Variants in SAR1A observed in about 807,000 individuals in gnomAD.
SAR1A encodes the protein secretion associated Ras related GTPase 1A.
Under a neutral mutation model 22.6 loss-of-function variants are expected in SAR1A, and 6 were observed. That is an observed-to-expected ratio of 0.27 (90% CI 0.15 to 0.52). The LOEUF (loss-of-function observed/expected upper bound fraction) is 0.52, where lower values mean the gene tolerates loss of function less well. Among genes scored for constraint, SAR1A ranks in the 20% least tolerant of loss-of-function variants. SAR1A has a pLI of 0.96. For missense variants in SAR1A, 145 were observed against 245.1 expected (o/e 0.59, Z 2.73); for synonymous variants, 70 against 82.2 (o/e 0.85, Z 0.80).
At chr10:70,152,654 A>AT in intron 6 of SAR1A, 62 bp from the exon 7 acceptor site, 4 of 1,088,798 alleles carry the variant, frequency 3.7e-6, no homozygotes, top group South Asian at 1.2e-5. Flanking sequence ...GATTGAAAGG[A>AT]CGATCATTAC....
intron 1 of SAR1A, chr10:70,164,040 G>A (rs1564571473): frequency 2.5e-6 from 2 of 813,654 alleles, no homozygotes; most frequent in Admixed American, 1.7e-5. Context: ...GTTAACAGAT[G>A]AAGAAGTTGA....
chr10:70,162,294 G>A (rs565691098), intron 1 of SAR1A, among the ~76,000 whole-genome samples: 43 of 150,302 alleles, frequency 2.9e-4, no homozygotes, highest in African/African-American at 8.1e-4. Flanking sequence ...GAGGCATGAC[G>A]GTGCCACTGC....
At position 70,149,547 on chromosome 10, in the gene SAR1A, A is replaced by ATTTTTTTGTTTTTTTT. The variant is rs1839302463; in HGVS notation, c.*2928_*2929insAAAAAAAACAAAAAAA. On this transcript the variant is annotated 3_prime_UTR_variant, in exon 7 of 7. Transcript: ENST00000373241. The stretch of plus-strand genomic sequence containing the variant: ...TTTTGCCAAATGTAGCATTTAATTG[A>ATTTTTTTGTTTTTTTT]TTTTTTTTTTTTTTTTTTTTTTGAG... The ATTTTTTTGTTTTTTTT allele has an allele frequency of 1.5e-5, 1 of 68,036 alleles. No homozygotes were observed. The highest frequency in any genetic ancestry group is 2.5e-5 in the Non-Finnish European group (1 of 40,706). The allele number at this position is 68,036 out of a possible 1,614,324, so 4.2% of individuals were successfully genotyped here.
At chr10:70,155,213 T>C (rs1267285049) in intron 5 of SAR1A, 2 of 453,902 alleles carry the variant, frequency 4.4e-6, no homozygotes, top group East Asian at 6.9e-5. Context: ...GTGGTGTTCA[T>C]GTAAGAGATC....
chr10:70,152,535 C>T lies in SAR1A; in HGVS notation c.538G>A (p.Val180Met). ...TCGCCGTAACCTTGCCTCTTGAGCACACTGCACATGAACACTTCCATGGGG... is the reference window on the plus strand; with the variant it reads ...TCGCCGTAACCTTGCCTCTTGAGCATACTGCACATGAACACTTCCATGGGG... ...ARPMEVFMCSVLKRQGYGEGF... is the reference protein window; with the variant it reads ...ARPMEVFMCSMLKRQGYGEGF... Residue 180 changes from valine to methionine, a missense_variant, in exon 7 of 7, where the codon GTG becomes ATG. This residue lies in a region of SAR1A where 83 missense variants were observed against 114.7 expected (regional missense o/e 0.72). Transcript: ENST00000373241. 6.2e-7 allele frequency: 1 copy of T among 1,614,210 alleles called. No homozygotes were observed. The highest frequency in any genetic ancestry group is 8.5e-7 in the Non-Finnish European group (1 of 1,180,036).
Position 70,161,625 on chromosome 10 carries a change from G to A in SAR1A, c.172C>T (p.His58Tyr). Residue 58 changes from histidine (H) to tyrosine (Y), a missense_variant, in exon 3 of 7, where the codon CAT (histidine) becomes TAT (tyrosine). By Grantham distance (83) the His-to-Tyr change is moderately conservative. Around this residue, in one of 3 missense-constraint regions of SAR1A, gnomAD observed 40 missense variants for 105.7 expected, o/e 0.38. Transcript: ENST00000373241. ...CTGATATTTTCAAACCTACTCGGAT[G>A]TAGTGTTGGAACATGTTGGCCCAAT... ...DRLGQHVPTL[H>Y]PTSEELTIAG... 6.2e-7 allele frequency: 1 copy of A among 1,612,274 alleles called. No homozygotes were observed. Among genetic ancestry groups the A allele is most frequent in the Non-Finnish European group, 8.5e-7 (1 of 1,180,000 alleles).
intron 1 of SAR1A, among the ~76,000 whole-genome samples, chr10:70,169,357 T>C (rs1170110761): frequency 6.6e-6 from 1 of 152,248 alleles, no homozygotes; most frequent in African/African-American, 2.4e-5. Flanking sequence ...ATCACATCTT[T>C]TGAATGGTAT....
At chr10:70,160,776 T>C (rs1839458869) in intron 4 of SAR1A, among the ~76,000 whole-genome samples, 1 of 152,176 alleles carries the variant, frequency 6.6e-6, no homozygotes, top group African/African-American at 2.4e-5. Flanking sequence ...CCCAGCTCAA[T>C]AGGGTAATAT....
chr10:70,156,131 G>A (rs1009328702), intron 5 of SAR1A, among the ~76,000 whole-genome samples: 1 of 152,166 alleles, frequency 6.6e-6, no homozygotes, highest in Admixed American at 6.5e-5. Context: ...GTTGTCGAGA[G>A]TAGGCAGGAT....
intron 1 of SAR1A, among the ~76,000 whole-genome samples, chr10:70,168,629 G>A (rs191951901): frequency 6.6e-6 from 1 of 152,054 alleles, no homozygotes; most frequent in African/African-American, 2.4e-5. Flanking sequence ...CTAAAGTGAT[G>A]TAAACATTTT....
chr10:70,158,757 C>CAAACAAAAAAA lies in SAR1A; in HGVS notation c.245-891_245-890insTTTTTTTGTTT, dbSNP rs1554827243. Among the ~76,000 whole-genome samples the CAAACAAAAAAA allele has an allele frequency of 1.9e-3, 244 of 125,786 alleles. 3 individuals carry two copies. The highest frequency in any genetic ancestry group is 6.6e-3 in the African/African-American group (224 of 34,104). The allele number at this position is 125,786 out of a possible 152,430, so 82.5% of individuals were successfully genotyped here. A position where few individuals can be genotyped will look rare whatever the true frequency, so the allele number is the denominator to read the frequency against. ...TATAAGTTAAAATTTTTAAGTTATA[C>CAAACAAAAAAA]AAAAAAAAAAAAAGGAAACCTCCAG... On this transcript the variant is annotated intron_variant, in intron 4 of 6. Transcript: ENST00000373241.
At chr10:70,169,695 A>C (rs945561837) in intron 1 of SAR1A, among the ~76,000 whole-genome samples, 1 of 152,206 alleles carries the variant, frequency 6.6e-6, no homozygotes, top group East Asian at 1.9e-4. Flanking sequence ...GCTGCGGGGT[A>C]AATGTCAAAG....
rs902633505 is a variant in SAR1A at position 70,150,316 on chromosome 10, A to C, written c.*2160T>G. 2.0e-5 allele frequency: 3 copies of C among 152,272 alleles called. No individual in the cohort carries two copies. Among genetic ancestry groups the C allele is most frequent in the African/African-American group, 7.2e-5 (3 of 41,478 alleles). 9.4% of individuals were successfully genotyped at this position (152,272 alleles called of 1,614,324 possible). A position where few individuals can be genotyped will look rare whatever the true frequency, so the allele number is the denominator to read the frequency against. On this transcript the variant is annotated 3_prime_UTR_variant, in exon 7 of 7. Transcript: ENST00000373241. ...ATATGCACTCTGATAAAACAGAATG[A>C]GAAGTCATAATTCATGGGAATTCCT...
intron 4 of SAR1A, among the ~76,000 whole-genome samples, chr10:70,159,716 T>C (rs1008591590): frequency 6.6e-6 from 1 of 152,238 alleles, no homozygotes; most frequent in African/African-American, 2.4e-5. Context: ...AACAAGTAAG[T>C]AAATCTGACA....
intron 2 of SAR1A, 41 bp downstream of exon 2, chr10:70,161,817 G>C: frequency 1.9e-6 from 3 of 1,612,490 alleles, no homozygotes; most frequent in Non-Finnish European, 2.5e-6. Flanking sequence ...TGAGGGAAAG[G>C]CACAAACTTT....
At chr10:70,164,852 T>C (rs1342679095) in intron 1 of SAR1A, among the ~76,000 whole-genome samples, 1 of 152,200 alleles carries the variant, frequency 6.6e-6, no homozygotes, top group African/African-American at 2.4e-5. Flanking sequence ...AAAAAAGATT[T>C]GAAGATATTA....
chr10:70,162,037 G>A, intron 1 of SAR1A, 106 bp from the exon 2 acceptor site: 1 of 818,156 alleles, frequency 1.2e-6, no homozygotes, highest in South Asian at 1.7e-5. Flanking sequence ...ATAGTCTCTT[G>A]TTTTCGGGAA....
chr10:70,159,253 T>C (rs1839434355), intron 4 of SAR1A, among the ~76,000 whole-genome samples: 1 of 152,244 alleles, frequency 6.6e-6, no homozygotes, highest in Admixed American at 6.5e-5. Flanking sequence ...TATGTGATTA[T>C]GATCATAATA....
chr10:70,158,907 A>G (rs1839430418), intron 4 of SAR1A, among the ~76,000 whole-genome samples: 1 of 152,202 alleles, frequency 6.6e-6, no homozygotes, highest in African/African-American at 2.4e-5. Context: ...TTCCCTTCTT[A>G]CTTTTAACAA....
Sources: gnomAD v4.1 joint callset for allele counts (sites outside exome capture counted in the v4.1 genomes callset) on GRCh38, gnomAD v4.1.1 for gene constraint, gnomAD v4.1.1 regional missense constraint, MANE v1.5 for transcripts, NCBI Gene and HGNC (gene_info 2026-07-23, HGNC 2026-07-21) for gene names.